GRID2: variants seen among roughly 807,000 people sequenced by gnomAD.
GRID2 encodes the protein glutamate receptor ionotropic, delta-2.
GRID2 carries 33 observed loss-of-function variants against 114.8 expected under a neutral mutation model. That is an observed-to-expected ratio of 0.29 (90% CI 0.22 to 0.38). The LOEUF (loss-of-function observed/expected upper bound fraction) is 0.38, where lower values mean the gene tolerates loss of function less well. Ranked by LOEUF, GRID2 falls within the 10% of genes least tolerant of loss-of-function variation. The pLI, the probability that GRID2 is intolerant of heterozygous loss-of-function variation, is 1.00. For missense variants in GRID2, 1,184 were observed against 1,257.7 expected (o/e 0.94, Z 0.89); for synonymous variants, 505 against 449.9 (o/e 1.12, Z -1.55).
intron 1 of GRID2, among the ~76,000 whole-genome samples, chr4:92,361,692 C>T (rs1191526853): frequency 6.6e-6 from 1 of 151,878 alleles, no homozygotes; most frequent in East Asian, 1.9e-4. Context: ...AAAAAGTTTG[C>T]CCATCTGTTG....
chr4:93,307,284 G>A (rs1755540263), intron 8 of GRID2, among the ~76,000 whole-genome samples: 1 of 151,902 alleles, frequency 6.6e-6, no homozygotes, highest in Non-Finnish European at 1.5e-5. Context: ...GTATTTTTCA[G>A]ACTCAGAATT....
chr4:93,089,180 G>A (rs1318849036), intron 3 of GRID2, among the ~76,000 whole-genome samples: 1 of 152,038 alleles, frequency 6.6e-6, no homozygotes, highest in Non-Finnish European at 1.5e-5. Flanking sequence ...AGCCATGAAG[G>A]TATTTTAACA....
At chr4:93,279,377 G>A (rs555214235) in intron 8 of GRID2, among the ~76,000 whole-genome samples, 3 of 151,700 alleles carry the variant, frequency 2.0e-5, no homozygotes, top group Admixed American at 6.6e-5. Flanking sequence ...TTTTATTCTC[G>A]TAAACATTTC....
chr4:92,770,529 C>A (rs902631568), intron 2 of GRID2, among the ~76,000 whole-genome samples: 7 of 152,120 alleles, frequency 4.6e-5, no homozygotes, highest in Non-Finnish European at 7.3e-5. Context: ...ATACCCGAGA[C>A]TGGACAATTC....
intron 1 of GRID2, among the ~76,000 whole-genome samples, chr4:92,432,004 C>G (rs140729043): frequency 6.6e-6 from 1 of 152,330 alleles, no homozygotes; most frequent in East Asian, 1.9e-4. Context: ...GTAGAGATAC[C>G]ACTTTGGTGG....
chr4:93,097,582 C>CAT lies in GRID2; in HGVS notation c.529+12314_529+12315dup, dbSNP rs369620262. ...CAAAATTTTGCAGGGTGCATAGCAA[C>CAT]ATATATATATATTTAAAACTCCACA... On this transcript the variant is annotated intron_variant, in intron 3 of 15. Coordinates refer to ENST00000282020, the MANE Select transcript of GRID2 (RefSeq NM_001510.4). Among the ~76,000 whole-genome samples, 667 of 151,566 alleles carry CAT rather than the reference C, an allele frequency of 4.4e-3. 1 individual carries two copies. The highest frequency in any genetic ancestry group is 8.6e-3 in the African/African-American group (358 of 41,388).
At chr4:92,445,973 C>G (rs1033323248) in intron 1 of GRID2, among the ~76,000 whole-genome samples, 1 of 152,164 alleles carries the variant, frequency 6.6e-6, no homozygotes, top group Non-Finnish European at 1.5e-5. Flanking sequence ...GAGACAGAGT[C>G]TCCCTCTGTA....
At chr4:93,180,590 A>C (rs2149435007) in intron 4 of GRID2, among the ~76,000 whole-genome samples, 1 of 152,302 alleles carries the variant, frequency 6.6e-6, no homozygotes, top group South Asian at 2.1e-4. Context: ...AGAGTAGAGA[A>C]GAACTTCTGT....
At chr4:93,107,931 A>C (rs185356839) in intron 3 of GRID2, among the ~76,000 whole-genome samples, 99 of 152,206 alleles carry the variant, frequency 6.5e-4, no homozygotes, top group African/African-American at 2.3e-3. Flanking sequence ...TTTGAATAAA[A>C]TTAAAACCTC....
chr4:92,895,654 T>A (rs1747114129), intron 2 of GRID2, among the ~76,000 whole-genome samples: 1 of 152,018 alleles, frequency 6.6e-6, no homozygotes, highest in Non-Finnish European at 1.5e-5. Context: ...AAGACTCTCA[T>A]ATTGAGTTGA....
chr4:92,447,722 C>T (rs1276103067), intron 1 of GRID2, among the ~76,000 whole-genome samples: 2 of 152,198 alleles, frequency 1.3e-5, no homozygotes, highest in African/African-American at 4.8e-5. Flanking sequence ...CTTTGGTTCA[C>T]AGACAGTACC....
At chr4:92,991,477 A>G (rs1317202717) in intron 2 of GRID2, among the ~76,000 whole-genome samples, 4 of 152,196 alleles carry the variant, frequency 2.6e-5, no homozygotes, top group African/African-American at 9.7e-5. Context: ...AAATTAATAA[A>G]CCATCTCCGT....
At chr4:92,498,473 A>C (rs1454459382) in intron 1 of GRID2, among the ~76,000 whole-genome samples, 1 of 151,974 alleles carries the variant, frequency 6.6e-6, no homozygotes, top group Non-Finnish European at 1.5e-5. Context: ...CTGATTATGC[A>C]AAAGATAAAT....
intron 7 of GRID2, among the ~76,000 whole-genome samples, chr4:93,229,398 T>C (rs766826047): frequency 3.3e-5 from 5 of 152,140 alleles, no homozygotes; most frequent in Non-Finnish European, 7.3e-5. Flanking sequence ...TTCCCACTCA[T>C]GCGGGCTGGA....
At chr4:92,482,097 CTATATTTATA>C in intron 1 of GRID2, among the ~76,000 whole-genome samples, 1 of 136,550 alleles carries the variant, frequency 7.3e-6, no homozygotes, top group Non-Finnish European at 1.6e-5. Context: ...TTATATATAT[CTATATTTATA>C]TATATACTAT....
chr4:93,072,814 TC>T (rs552175631), intron 2 of GRID2, among the ~76,000 whole-genome samples: 91 of 152,262 alleles, frequency 6.0e-4, no homozygotes, highest in Non-Finnish European at 1.1e-3. Context: ...TTTACACAAA[TC>T]TATTATGGGA....
intron 2 of GRID2, among the ~76,000 whole-genome samples, chr4:93,075,993 T>C (rs971714413): frequency 2.1e-5 from 3 of 141,370 alleles, no homozygotes; most frequent in African/African-American, 7.9e-5. Context: ...AAGCTCCGCC[T>C]CCTGGGTTCA....
chr4:93,765,152 G>A (rs1484454751), intron 14 of GRID2, among the ~76,000 whole-genome samples: 1 of 151,976 alleles, frequency 6.6e-6, no homozygotes, highest in Non-Finnish European at 1.5e-5. Context: ...CTTTAAATTG[G>A]GTTTTTGTTA....
At chr4:92,344,866 G>A (rs901447899) in intron 1 of GRID2, among the ~76,000 whole-genome samples, 1 of 152,068 alleles carries the variant, frequency 6.6e-6, no homozygotes, top group Admixed American at 6.6e-5. Flanking sequence ...TTGAAATGTA[G>A]GGAGTTAGAT....
Sources: gnomAD v4.1 joint callset for allele counts (sites outside exome capture counted in the v4.1 genomes callset) on GRCh38, gnomAD v4.1.1 for gene constraint, MANE v1.5 for transcripts, NCBI Gene and HGNC (gene_info 2026-07-23, HGNC 2026-07-21) for gene names.